The following GRHL2 variants were observed in gnomAD, a reference collection of about 807,000 sequenced individuals.
The protein encoded by GRHL2 is grainyhead like transcription factor 2.
In GRHL2, 21 loss-of-function variants were observed where a neutral mutation model predicts 83.8. That is an observed-to-expected ratio of 0.25 (90% confidence interval 0.18 to 0.36). The LOEUF (loss-of-function observed/expected upper bound fraction) is 0.36. Among genes scored for constraint, GRHL2 ranks in the 10% least tolerant of loss-of-function variants. GRHL2 has a pLI of 1.00. For synonymous variants in GRHL2, 280 were observed against 278.9 expected (o/e 1.00, Z -0.04); for missense variants, 623 against 781.8 (o/e 0.80, Z 2.42).
At chr8:101,610,934 G>A (rs1812735950) in intron 8 of GRHL2, among the ~76,000 whole-genome samples, 1 of 150,856 alleles carries the variant, frequency 6.6e-6, no homozygotes, top group South Asian at 2.1e-4. Context: ...TCTTAAGTCA[G>A]TACAAACTTT....
rs944318350 is a variant in GRHL2, at chr8:101,669,320, G to GTT, written c.*2619_*2620dup. ...CTTTTTCCTCATACATCTCCAAATT[G>GTT]TTTAAACTTACTTTATGAGTGTTTG... On this transcript the variant is annotated 3_prime_UTR_variant, in exon 16 of 16. Transcript: ENST00000646743. 8 of 120,734 alleles carry GTT rather than the reference G, an allele frequency of 6.6e-5. No individual in the cohort carries two copies. The highest frequency in any genetic ancestry group is 2.5e-4 in the African/African-American group (8 of 32,506). 7.5% of individuals were successfully genotyped at this position (120,734 alleles called of 1,614,324 possible).
chr8:101,675,498 A>G, the GRHL2 span, among the ~76,000 whole-genome samples: 10 of 152,170 alleles, frequency 6.6e-5, no homozygotes, highest in Non-Finnish European at 1.3e-4. Context: ...AATCCAACTT[A>G]CAAGGGATGT....
intron 1 of GRHL2, among the ~76,000 whole-genome samples, chr8:101,541,147 G>GGTGTGT (rs56763374): frequency 2.2e-4 from 32 of 144,358 alleles, no homozygotes; most frequent in East Asian, 1.0e-3. Context: ...ACTATTTCAT[G>GGTGTGT]GTGTGTGTGT....
At chr8:101,518,533 T>G (rs1209632877) in intron 1 of GRHL2, among the ~76,000 whole-genome samples, 2 of 152,184 alleles carry the variant, frequency 1.3e-5, no homozygotes, top group African/African-American at 4.8e-5. Context: ...TGACTTCTGG[T>G]GTGTTTGGTT....
At chr8:101,569,615 A>T (rs1425339576) in intron 4 of GRHL2, among the ~76,000 whole-genome samples, 1 of 152,094 alleles carries the variant, frequency 6.6e-6, no homozygotes, top group Non-Finnish European at 1.5e-5. Flanking sequence ...GACTACAGGG[A>T]TGAGCCACCA....
chr8:101,641,636 T>C (rs1428967981), intron 12 of GRHL2, among the ~76,000 whole-genome samples: 1 of 152,172 alleles, frequency 6.6e-6, no homozygotes, highest in African/African-American at 2.4e-5. Flanking sequence ...TACAAGGTAA[T>C]GGCTGAATGT....
chr8:101,585,913 T>C (rs1394820064), intron 7 of GRHL2, among the ~76,000 whole-genome samples: 1 of 152,038 alleles, frequency 6.6e-6, no homozygotes, highest in Non-Finnish European at 1.5e-5. Flanking sequence ...GAAAATCCCT[T>C]CCGCTGTGTG....
chr8:101,567,141 C>T (rs1376808562), intron 4 of GRHL2, among the ~76,000 whole-genome samples: 3 of 152,104 alleles, frequency 2.0e-5, no homozygotes, highest in African/African-American at 7.2e-5. Context: ...GTCTTTGCAA[C>T]CCAAGAGAAA....
intron 7 of GRHL2, among the ~76,000 whole-genome samples, chr8:101,593,454 A>G (rs540614795): frequency 6.6e-6 from 1 of 152,234 alleles, no homozygotes; most frequent in South Asian, 2.1e-4. Flanking sequence ...GAAATTCAAT[A>G]TGTTCACAAA....
chr8:101,527,691 C>T (rs1183011062), intron 1 of GRHL2, among the ~76,000 whole-genome samples: 1 of 152,220 alleles, frequency 6.6e-6, no homozygotes, highest in Non-Finnish European at 1.5e-5. Context: ...TTTATCCATG[C>T]ATCTCTTTCT....
intron 10 of GRHL2, 33 bp from the exon 11 acceptor site, chr8:101,632,193 C>G (rs1289347027): frequency 1.2e-6 from 2 of 1,610,660 alleles, no homozygotes; most frequent in Non-Finnish European, 1.7e-6. Context: ...ATATATGACT[C>G]TCTCATTTAT....
At chr8:101,640,924 T>G (rs182328492) in intron 12 of GRHL2, among the ~76,000 whole-genome samples, 1 of 152,202 alleles carries the variant, frequency 6.6e-6, no homozygotes, top group Non-Finnish European at 1.5e-5. Flanking sequence ...GGAACCACCA[T>G]GTATAATCTC....
intron 1 of GRHL2, among the ~76,000 whole-genome samples, chr8:101,522,564 A>G (rs1339077383): frequency 6.6e-6 from 1 of 152,178 alleles, no homozygotes; most frequent in African/African-American, 2.4e-5. Flanking sequence ...GAAATGGTAT[A>G]ACCTCTCTGG....
At chr8:101,527,804 T>A (rs1810838079) in intron 1 of GRHL2, among the ~76,000 whole-genome samples, 1 of 152,216 alleles carries the variant, frequency 6.6e-6, no homozygotes, top group South Asian at 2.1e-4. Flanking sequence ...CCATCACACT[T>A]TATTGATCTT....
At chr8:101,563,318 C>A (rs919313829) in intron 4 of GRHL2, among the ~76,000 whole-genome samples, 19 of 152,034 alleles carry the variant, frequency 1.2e-4, no homozygotes, top group Non-Finnish European at 2.8e-4. Flanking sequence ...TCACCAAAAT[C>A]TTTTTAAAAA....
At chr8:101,581,775 T>C (rs1812057291) in intron 7 of GRHL2, among the ~76,000 whole-genome samples, 1 of 152,194 alleles carries the variant, frequency 6.6e-6, no homozygotes, top group African/African-American at 2.4e-5. Context: ...GGCAAGAAGA[T>C]GACTAGCTAA....
chr8:101,671,280 G>C (rs1032046902), downstream of GRHL2, among the ~76,000 whole-genome samples: 3 of 152,194 alleles, frequency 2.0e-5, no homozygotes, highest in Admixed American at 6.5e-5. Flanking sequence ...TCAAAGAAAG[G>C]GGTGACAGAC....
chr8:101,573,930 A>T, intron 6 of GRHL2, 106 bp downstream of exon 6: 1 of 1,266,434 alleles, frequency 7.9e-7, no homozygotes, highest in South Asian at 1.3e-5. Flanking sequence ...CCTTCAACAT[A>T]AATAATTCTA....
rs778464698 is a variant in GRHL2, at chr8:101,666,672, A to G, written c.1847A>G (p.Glu616Gly). 2 of 1,612,958 alleles carry G rather than the reference A, an allele frequency of 1.2e-6. No homozygotes were observed. The highest frequency in any genetic ancestry group is 3.3e-5 in the Admixed American group (2 of 60,010). ...ATCCTCAACATGGAGAGCATGGTGG[A>G]GGGCTTCAAGGTCACGCTCATGGAA... ...TFILNMESMVEGFKVTLMEI is the reference protein window; with the variant it reads ...TFILNMESMVGGFKVTLMEI The change falls in exon 16 of 16, where the codon GAG (glutamate) becomes GGG (glycine). Residue 616 changes from glutamate to glycine, a missense_variant. Transcript: ENST00000646743.
Sources: allele counts gnomAD v4.1 joint callset (sites outside exome capture counted in the v4.1 genomes callset), GRCh38; gene constraint gnomAD v4.1.1; transcripts MANE v1.5; gene names NCBI Gene and HGNC (gene_info 2026-07-23, HGNC 2026-07-21).